The following PAK5 variants were observed in gnomAD, a reference collection of about 807,000 sequenced individuals.
The protein encoded by PAK5 is p21 (RAC1) activated kinase 5.
PAK5 carries 16 observed loss-of-function variants against 65.9 expected under a neutral mutation model. The observed-to-expected ratio is 0.24, with a 90% CI of 0.16 to 0.37. The LOEUF (loss-of-function observed/expected upper bound fraction) is 0.37, where lower values mean the gene tolerates loss of function less well. PAK5 is among the 10% of genes least tolerant of loss of function. The pLI, the probability that PAK5 is intolerant of heterozygous loss-of-function variation, is 1.00. For missense variants in PAK5, 785 were observed against 903.9 expected (o/e 0.87, Z 1.69); for synonymous variants, 371 against 354.9 (o/e 1.05, Z -0.51).
chr20:9,796,616 C>T (rs1387789987), intron 1 of PAK5, among the ~76,000 whole-genome samples: 1 of 152,062 alleles, frequency 6.6e-6, no homozygotes, highest in African/African-American at 2.4e-5. Context: ...AACGATCACT[C>T]TTACTGCTGC....
In PAK5 at chr20:9,644,182, C is replaced by T; in HGVS notation, c.147G>A (p.Arg49=). 1 of 1,610,692 alleles carries T rather than the reference C, an allele frequency of 6.2e-7. No individual in the cohort carries two copies. ...WHSLLADTAN[R]PKPMVDPSCI... is the part of the protein sequence containing the mutation. ...ATGAAGGGTCCACCATAGGCTTTGG[C>T]CTGTTGGCCGTATCTGCTAACAGGC... Residue 49 remains arginine (R), a synonymous_variant, in exon 3 of 10, where the codon AGG becomes AGA. Transcript: ENST00000353224.
intron 1 of PAK5, among the ~76,000 whole-genome samples, chr20:9,732,205 T>C (rs543498498): frequency 1.3e-5 from 2 of 152,218 alleles, no homozygotes; most frequent in South Asian, 2.1e-4. Flanking sequence ...AAAAAAAAGT[T>C]TTAACAGCTT....
At chr20:9,725,684 G>A (rs1453855188) in intron 1 of PAK5, among the ~76,000 whole-genome samples, 3 of 152,116 alleles carry the variant, frequency 2.0e-5, no homozygotes, top group African/African-American at 7.2e-5. Context: ...ACACAAAATA[G>A]TAACAAGTAT....
intron 2 of PAK5, among the ~76,000 whole-genome samples, chr20:9,656,474 C>T (rs928983984): frequency 6.6e-6 from 1 of 152,008 alleles, no homozygotes; most frequent in East Asian, 1.9e-4. Context: ...TTGATTTTTT[C>T]CTTGTATGTT....
intron 1 of PAK5, among the ~76,000 whole-genome samples, chr20:9,757,816 T>C (rs552682654): frequency 6.6e-6 from 1 of 152,326 alleles, no homozygotes; most frequent in East Asian, 1.9e-4. Context: ...CTCCTCTTCT[T>C]TCAAAATACT....
intron 7 of PAK5, among the ~76,000 whole-genome samples, chr20:9,546,928 T>C (rs2045353672): frequency 1.3e-5 from 2 of 152,214 alleles, no homozygotes; most frequent in Non-Finnish European, 2.9e-5. Flanking sequence ...TGATAATTAT[T>C]ACTATTCTCT....
intron 1 of PAK5, among the ~76,000 whole-genome samples, chr20:9,819,106 T>C (rs2049391024): frequency 6.6e-6 from 1 of 152,212 alleles, no homozygotes; most frequent in African/African-American, 2.4e-5. Flanking sequence ...ATATTTCATG[T>C]TACCTTGTAA....
Position 9,569,758 on chromosome 20 carries a change from A to T in PAK5, c.991-3374T>A, listed in dbSNP as rs115162809. On this transcript the variant is annotated intron_variant, in intron 4 of 9. Coordinates refer to ENST00000353224, the MANE Select transcript of PAK5 (RefSeq NM_177990.4). The stretch of plus-strand genomic sequence containing the variant: ...GTGGGCTCTTTAAAATTGCTACCAT[A>T]GCACCATTCTCAGTCCCCCAACACT... Among the ~76,000 whole-genome samples, 704 of 149,348 alleles carry T rather than the reference A, an allele frequency of 4.7e-3. 21 individuals carry two copies. The highest frequency in any genetic ancestry group is 0.017 in the African/African-American group (673 of 38,758).
intron 1 of PAK5, among the ~76,000 whole-genome samples, chr20:9,715,280 C>A (rs559923620): frequency 1.6e-4 from 25 of 152,158 alleles, no homozygotes; most frequent in Admixed American, 5.2e-4. Flanking sequence ...ATGCAGCCAA[C>A]AGACACATGA....
intron 3 of PAK5, among the ~76,000 whole-genome samples, chr20:9,602,672 G>A (rs1190226554): frequency 6.6e-6 from 1 of 152,188 alleles, no homozygotes; most frequent in Admixed American, 6.5e-5. Flanking sequence ...ATTTGACAGA[G>A]CTGAGATTCA....
intron 1 of PAK5, among the ~76,000 whole-genome samples, chr20:9,743,149 C>T (rs1017824728): frequency 5.9e-5 from 9 of 152,112 alleles, no homozygotes; most frequent in Non-Finnish European, 1.3e-4. Flanking sequence ...AGGAGGATCG[C>T]TTGAGCCCAG....
chr20:9,630,203 G>T (rs1210444484), intron 3 of PAK5, among the ~76,000 whole-genome samples: 1 of 152,162 alleles, frequency 6.6e-6, no homozygotes, highest in African/African-American at 2.4e-5. Context: ...ATGATCTCTG[G>T]ATGGCACAGA....
chr20:9,574,692 A>G (rs1243964477), intron 4 of PAK5, among the ~76,000 whole-genome samples: 1 of 152,240 alleles, frequency 6.6e-6, no homozygotes, highest in Non-Finnish European at 1.5e-5. Context: ...ATTCATATGC[A>G]AAGGACACCT....
intron 2 of PAK5, among the ~76,000 whole-genome samples, chr20:9,693,059 C>T (rs974220991): frequency 6.6e-6 from 1 of 152,014 alleles, no homozygotes; most frequent in Non-Finnish European, 1.5e-5. Context: ...AATATATTTC[C>T]ACTTTATTCT....
Position 9,837,632 on chromosome 20 carries a change from T to C in PAK5, c.-162+1130A>G, listed in dbSNP as rs1979251631. On this transcript the variant is annotated intron_variant, in intron 1 of 9. Coordinates refer to ENST00000353224, the MANE Select transcript of PAK5 (RefSeq NM_177990.4). The stretch of plus-strand genomic sequence containing the variant: ...GGACTTCTAAAAAGCATCTTGTCCA[T>C]CTATATCAGGTAAGAGAAAGAGTGT... Among the ~76,000 whole-genome samples the C allele has an allele frequency of 2.0e-5, 3 of 152,258 alleles. No individual in the cohort carries two copies. The South Asian group carries it at 6.2e-4, about 32-fold the overall frequency.
intron 2 of PAK5, among the ~76,000 whole-genome samples, chr20:9,688,753 C>A (rs192164268): frequency 6.6e-6 from 1 of 151,940 alleles, no homozygotes; most frequent in African/African-American, 2.4e-5. Context: ...AGTTTCCCCA[C>A]TAGCAAAAAA....
chr20:9,778,888 A>G (rs952823784), intron 1 of PAK5, among the ~76,000 whole-genome samples: 3 of 149,682 alleles, frequency 2.0e-5, no homozygotes, highest in African/African-American at 7.4e-5. Context: ...GCCCCTCTAA[A>G]CCCTCAGAAT....
At chr20:9,764,769 G>C (rs528069401) in intron 1 of PAK5, among the ~76,000 whole-genome samples, 25 of 152,184 alleles carry the variant, frequency 1.6e-4, no homozygotes, top group Non-Finnish European at 2.9e-4. Context: ...TTCGAGTACA[G>C]TTGTGGTTAT....
intron 1 of PAK5, among the ~76,000 whole-genome samples, chr20:9,715,342 T>C (rs2048130487): frequency 6.6e-6 from 1 of 151,888 alleles, no homozygotes; most frequent in Admixed American, 6.6e-5. Flanking sequence ...GAAACCACAA[T>C]GAGATACCTT....
Sources: allele counts gnomAD v4.1 joint callset (sites outside exome capture counted in the v4.1 genomes callset), GRCh38; gene constraint gnomAD v4.1.1; transcripts MANE v1.5; gene names NCBI Gene and HGNC (gene_info 2026-07-23, HGNC 2026-07-21).